The following MAP3K9 variants were observed in gnomAD, a reference collection of about 807,000 sequenced individuals.
MAP3K9 encodes mixed lineage kinase 1 (tyr and ser/thr specificity).
In MAP3K9, 46 loss-of-function variants were observed where a neutral mutation model predicts 95.8. The observed-to-expected ratio is 0.48, with a 90% CI of 0.38 to 0.61. MAP3K9 has a LOEUF of 0.61. Among genes scored for constraint, MAP3K9 ranks in the 20% least tolerant of loss-of-function variants. MAP3K9 has a pLI of 0.00. For synonymous variants in MAP3K9, 533 were observed against 593.8 expected (o/e 0.90, Z 1.49); for missense variants, 1,296 against 1,474.3 (o/e 0.88, Z 1.98).
intron 2 of MAP3K9, among the ~76,000 whole-genome samples, chr14:70,797,427 A>AATG (rs1474622405): frequency 6.6e-6 from 1 of 151,062 alleles, no homozygotes; most frequent in Non-Finnish European, 1.5e-5. Flanking sequence ...AAATAATAAT[A>AATG]ATAATAATAA....
At chr14:70,740,629 T>G (rs1165331297) in intron 6 of MAP3K9, among the ~76,000 whole-genome samples, 2 of 152,188 alleles carry the variant, frequency 1.3e-5, no homozygotes, top group East Asian at 3.8e-4. Flanking sequence ...CTAGCCCTTG[T>G]GGGAACCTAG....
At chr14:70,770,736 C>T (rs966780390) in intron 2 of MAP3K9, among the ~76,000 whole-genome samples, 9 of 152,080 alleles carry the variant, frequency 5.9e-5, no homozygotes, top group East Asian at 5.8e-4. Context: ...TTCTGAGTCA[C>T]GCTGCTCAGA....
chr14:70,793,504 C>T lies in MAP3K9; in HGVS notation c.820+7163G>A, dbSNP rs1262447867. ...GAGTTCAAGACCAGCCTGGGCAACA[C>T]GGCGAGACCCTGTCTCTACTAAATA... On this transcript the variant is annotated intron_variant, in intron 2 of 11. Transcript: ENST00000554752. Among the ~76,000 whole-genome samples the T allele has an allele frequency of 4.0e-5, 6 of 151,872 alleles. No homozygotes were observed. In the East Asian group the frequency reaches 5.8e-4, roughly 15 times the overall value.
chr14:70,782,453 A>T (rs2054692374), intron 2 of MAP3K9, among the ~76,000 whole-genome samples: 1 of 152,174 alleles, frequency 6.6e-6, no homozygotes, highest in South Asian at 2.1e-4. Flanking sequence ...AGGAAGCGGT[A>T]CAAGCCACCA....
chr14:70,723,335 T>C lies in MAP3K9; in HGVS notation c.*7045A>G, dbSNP rs540434857. ...TGGTATTGGGAGAAGAGCTACAGAA[T>C]TGACATGTCCAGCTCCTGTGTGCTT... On this transcript the variant is annotated 3_prime_UTR_variant, in exon 12 of 12. Transcript: ENST00000554752. The C allele has an allele frequency of 3.3e-5, 5 of 152,206 alleles. No homozygotes were observed. The South Asian group carries it at 6.2e-4, about 19-fold the overall frequency. The allele number at this position is 152,206 out of a possible 1,614,324, so 9.4% of individuals were successfully genotyped here. A position where few individuals can be genotyped will look rare whatever the true frequency, so the allele number is the denominator to read the frequency against.
chr14:70,737,557 G>A lies in MAP3K9; in HGVS notation c.1844+688C>T, dbSNP rs540311307. 9.2e-5 allele frequency among the ~76,000 whole-genome samples: 14 copies of A among 152,248 alleles called. No individual in the cohort carries two copies. In the East Asian group the frequency reaches 2.7e-3, roughly 29 times the overall value. On this transcript the variant is annotated intron_variant, in intron 8 of 11. Transcript: ENST00000554752. ...CAGGCTCTCACCCCTCTTGTGCCCT[G>A]CCCAGAGGAGCCATCATACATGGCA...
At position 70,736,114 on chromosome 14, in the gene MAP3K9, A is replaced by T. The variant is rs551000681; in HGVS notation, c.1845-85T>A. On this transcript the variant is annotated intron_variant, in intron 8 of 11. Transcript: ENST00000554752. Reference sequence around the variant, plus strand: ...CCCACACCAAAACACCCAAGGCTGGATTCACACCACATCGCCAGCTGCCTT... The same window carrying T: ...CCCACACCAAAACACCCAAGGCTGGTTTCACACCACATCGCCAGCTGCCTT... The T allele has an allele frequency of 3.6e-5, 31 of 861,826 alleles. No individual in the cohort carries two copies. In the East Asian group the frequency reaches 7.8e-4, roughly 22 times the overall value. The allele number at this position is 861,826 out of a possible 1,614,324, so 53.4% of individuals were successfully genotyped here.
chr14:70,770,347 C>CT (rs559961659), intron 2 of MAP3K9, among the ~76,000 whole-genome samples: 6 of 148,700 alleles, frequency 4.0e-5, no homozygotes, highest in East Asian at 2.0e-4. Context: ...CGCCCAGATA[C>CT]TTTTTTTTTT....
chr14:70,744,503 C>CA (rs1364069329), intron 5 of MAP3K9, among the ~76,000 whole-genome samples: 1 of 152,120 alleles, frequency 6.6e-6, no homozygotes, highest in Non-Finnish European at 1.5e-5. Flanking sequence ...CTAAGTGAGG[C>CA]ATGTCATCTA....
rs1195407682 is a variant in MAP3K9 at position 70,727,889 on chromosome 14, T to A, written c.*2491A>T. Reference sequence around the variant, plus strand: ...GTGACCATCATTCAGTTACACTACATCAGTTACACTACATCTAGAAAGATG... The same window carrying A: ...GTGACCATCATTCAGTTACACTACAACAGTTACACTACATCTAGAAAGATG... On this transcript the variant is annotated 3_prime_UTR_variant, in exon 12 of 12. Transcript: ENST00000554752. 1 of 152,182 alleles carries A rather than the reference T, an allele frequency of 6.6e-6. No individual in the cohort carries two copies. The highest frequency in any genetic ancestry group is 2.4e-5 in the African/African-American group (1 of 41,440). 9.4% of individuals were successfully genotyped at this position (152,182 alleles called of 1,614,324 possible).
intron 2 of MAP3K9, among the ~76,000 whole-genome samples, chr14:70,799,435 G>A (rs2139858066): frequency 6.6e-6 from 1 of 152,276 alleles, no homozygotes; most frequent in South Asian, 2.1e-4. Context: ...CACCTCCCGG[G>A]TTCACACCAT....
In MAP3K9 at chr14:70,730,003, GACCCTATGACAGC is replaced by G. The variant is rs1166677895; in HGVS notation, c.*364_*376del. ...AAGCTGAACTCGGGGCTGACAAAGG[GACCCTATGACAGC>G]TCTGCGCACACCCAACTGGCTGAGG... On this transcript the variant is annotated 3_prime_UTR_variant, in exon 12 of 12. Transcript: ENST00000554752. The G allele has an allele frequency of 5.1e-6, 1 of 197,494 alleles. No homozygotes were observed. The highest frequency in any genetic ancestry group is 5.5e-5 in the Admixed American group (1 of 18,250). 12.2% of individuals were successfully genotyped at this position (197,494 alleles called of 1,614,324 possible).
At chr14:70,783,489 A>C in intron 2 of MAP3K9, 3 of 803,904 alleles carry the variant, frequency 3.7e-6, no homozygotes, top group Non-Finnish European at 4.5e-6. Context: ...CTTTCCTCCC[A>C]TCACAAAGCT....
At chr14:70,785,456 T>C (rs975853032) in intron 2 of MAP3K9, among the ~76,000 whole-genome samples, 9 of 152,224 alleles carry the variant, frequency 5.9e-5, no homozygotes, top group African/African-American at 2.4e-5. Flanking sequence ...ACAACTATAC[T>C]ATAAGAAAAG....
At chr14:70,762,312 C>T (rs1490756585) in intron 2 of MAP3K9, among the ~76,000 whole-genome samples, 4 of 152,110 alleles carry the variant, frequency 2.6e-5, no homozygotes, top group Admixed American at 6.5e-5. Flanking sequence ...AAGGAACCAC[C>T]AAATTGTTCT....
At position 70,795,982 on chromosome 14, in the gene MAP3K9, C is replaced by T. The variant is rs542365067; in HGVS notation, c.820+4685G>A. ...GTTGGCCAGACTGGTCTTGAACTCC[C>T]GACCTCGGGTGATCCTCCTCCCTCA... On this transcript the variant is annotated intron_variant, in intron 2 of 11. Transcript: ENST00000554752. Among the ~76,000 whole-genome samples, 5 of 150,826 alleles carry T rather than the reference C, an allele frequency of 3.3e-5. No homozygotes were observed. The East Asian group carries it at 8.0e-4, about 24-fold the overall frequency.
chr14:70,740,267 G>A, intron 6 of MAP3K9, 103 bp from the exon 7 acceptor site: 2 of 1,277,660 alleles, frequency 1.6e-6, no homozygotes, highest in Non-Finnish European at 2.2e-6. Flanking sequence ...ACAGGCCCCA[G>A]TTTCCTGAAA....
At chr14:70,769,484 C>T (rs2054502482) in intron 2 of MAP3K9, among the ~76,000 whole-genome samples, 1 of 152,146 alleles carries the variant, frequency 6.6e-6, no homozygotes, top group Admixed American at 6.5e-5. Context: ...TGTGTTGTAG[C>T]CTCCTAGGGC....
At position 70,748,810 on chromosome 14, in the gene MAP3K9, T is replaced by C; in HGVS notation, c.1326+19A>G. The C allele has an allele frequency of 6.4e-7, 1 of 1,558,224 alleles. No individual in the cohort carries two copies. ...TTTCTTTTCGTTCGTTTTTTTGTTGTTTTTTTTGTTTTGTTTACCTTTTCT... is the reference window on the plus strand; with the variant it reads ...TTTCTTTTCGTTCGTTTTTTTGTTGCTTTTTTTGTTTTGTTTACCTTTTCT... On this transcript the variant is annotated intron_variant, in intron 5 of 11. Coordinates refer to ENST00000554752, the MANE Select transcript of MAP3K9 (RefSeq NM_001284230.2).
Sources: gnomAD v4.1 joint callset for allele counts (sites outside exome capture counted in the v4.1 genomes callset) on GRCh38, gnomAD v4.1.1 for gene constraint, MANE v1.5 for transcripts, NCBI Gene and HGNC (gene_info 2026-07-23, HGNC 2026-07-21) for gene names.